GPC5: variants seen among roughly 807,000 people sequenced by gnomAD.
The protein encoded by GPC5 is glypican-5.
Under a neutral mutation model 53.9 loss-of-function variants are expected in GPC5, and 47 were observed. The observed-to-expected ratio is 0.87, with a 90% confidence interval of 0.69 to 1.11. The LOEUF is 1.11. Among genes scored for constraint, GPC5 ranks in the 50% most tolerant of loss-of-function variants. The probability of loss-of-function intolerance (pLI) is 0.00; values close to 1 mark genes in which losing one functional copy is unlikely to be tolerated. For missense variants in GPC5, 748 were observed against 713.1 expected, an observed-to-expected ratio of 1.05 and a Z score of -0.56; for synonymous variants, 286 against 263.3, an observed-to-expected ratio of 1.09 and a Z score of -0.84.
chr13:92,670,604 G>T (rs2139204450), intron 7 of GPC5, among the ~76,000 whole-genome samples: 1 of 152,122 alleles, frequency 6.6e-6, no homozygotes, highest in East Asian at 1.9e-4. Flanking sequence ...TGAACTAATG[G>T]CACAAAGTTG....
At chr13:92,851,852 C>T (rs1878816075) in intron 7 of GPC5, among the ~76,000 whole-genome samples, 2 of 142,252 alleles carry the variant, frequency 1.4e-5, no homozygotes, top group Non-Finnish European at 3.0e-5. Context: ...GGCCCCAGTG[C>T]ACTCCAGCCT....
At chr13:91,801,253 TTGTGTGTGTGTGTGTGTG>T (rs71113762) in intron 5 of GPC5, among the ~76,000 whole-genome samples, 14 of 146,298 alleles carry the variant, frequency 9.6e-5, no homozygotes, top group Admixed American at 2.8e-4. Context: ...CATCCATACT[TTGTGTGTGTGTGTGTGTG>T]TGTGTGTGTG....
At chr13:92,516,815 T>TC (rs1880802260) in intron 7 of GPC5, among the ~76,000 whole-genome samples, 1 of 152,118 alleles carries the variant, frequency 6.6e-6, no homozygotes, top group Non-Finnish European at 1.5e-5. Context: ...TCACTGGGGT[T>TC]CATCGGACAG....
intron 6 of GPC5, among the ~76,000 whole-genome samples, chr13:92,072,031 A>G (rs2138866752): frequency 6.8e-6 from 1 of 146,428 alleles, no homozygotes; most frequent in Admixed American, 6.8e-5. Flanking sequence ...ACATATGTAT[A>G]TAAAATAATA....
chr13:92,395,907 G>GGT (rs1555332655), intron 7 of GPC5, among the ~76,000 whole-genome samples: 4,236 of 130,600 alleles, frequency 0.032, 128 homozygotes, highest in East Asian at 0.11. Flanking sequence ...GTTTGTTTCT[G>GGT]TTTTTTTTTT....
chr13:91,685,452 A>T (rs1184910461), intron 2 of GPC5, among the ~76,000 whole-genome samples: 1 of 152,232 alleles, frequency 6.6e-6, no homozygotes, highest in East Asian at 1.9e-4. Context: ...TGAGAATAAG[A>T]TTAAGAACTT....
chr13:92,102,322 G>A (rs560492066), intron 6 of GPC5, among the ~76,000 whole-genome samples: 5 of 152,212 alleles, frequency 3.3e-5, no homozygotes, highest in Admixed American at 2.6e-4. Context: ...TACTTTTCAG[G>A]CCTTGATGAT....
intron 7 of GPC5, among the ~76,000 whole-genome samples, chr13:92,631,050 T>A (rs1218935063): frequency 6.6e-6 from 1 of 152,102 alleles, no homozygotes; most frequent in Non-Finnish European, 1.5e-5. Flanking sequence ...GGCTTTGGAG[T>A]ATAAAACATA....
intron 2 of GPC5, among the ~76,000 whole-genome samples, chr13:91,513,197 C>T (rs756658158): frequency 2.0e-5 from 3 of 152,090 alleles, no homozygotes; most frequent in African/African-American, 4.8e-5. Context: ...ATTCACAGGC[C>T]GTTGTAAGTA....
At chr13:92,580,511 A>C (rs1335980032) in intron 7 of GPC5, among the ~76,000 whole-genome samples, 2 of 152,320 alleles carry the variant, frequency 1.3e-5, no homozygotes, top group East Asian at 3.9e-4. Flanking sequence ...CTATAAAGAA[A>C]CACCTGAGGC....
chr13:92,022,775 C>A (rs1445285433), intron 6 of GPC5, among the ~76,000 whole-genome samples: 3 of 151,820 alleles, frequency 2.0e-5, no homozygotes, highest in Admixed American at 6.6e-5. Flanking sequence ...TAATTGTTAG[C>A]ATTCCTTTAT....
At chr13:92,846,654 TGAGA>T (rs149138924) in intron 7 of GPC5, among the ~76,000 whole-genome samples, 1 of 152,136 alleles carries the variant, frequency 6.6e-6, no homozygotes, top group African/African-American at 2.4e-5. Flanking sequence ...GAGAGTGAAA[TGAGA>T]GAGTTTTATC....
intron 7 of GPC5, among the ~76,000 whole-genome samples, chr13:92,693,190 C>T (rs1297518529): frequency 3.3e-5 from 5 of 152,108 alleles, no homozygotes; most frequent in South Asian, 2.1e-4. Context: ...ATTGCCCAGT[C>T]TCAGGTAGTT....
intron 2 of GPC5, among the ~76,000 whole-genome samples, chr13:91,466,353 G>T (rs1882238314): frequency 6.6e-6 from 1 of 152,090 alleles, no homozygotes; most frequent in South Asian, 2.1e-4. Flanking sequence ...TCATTCTTTG[G>T]CCTCTCAGCA....
intron 7 of GPC5, among the ~76,000 whole-genome samples, chr13:92,263,478 AT>A (rs2042780283): frequency 6.6e-6 from 1 of 151,882 alleles, no homozygotes; most frequent in African/African-American, 2.4e-5. Context: ...TCTTGTTTCT[AT>A]TTTTTAAGAA....
At chr13:92,719,144 G>T (rs1437060585) in intron 7 of GPC5, among the ~76,000 whole-genome samples, 1 of 151,102 alleles carries the variant, frequency 6.6e-6, no homozygotes, top group Non-Finnish European at 1.5e-5. Context: ...AAATGTATTT[G>T]AAATACATAG....
chr13:92,423,222 G>A (rs1876662742), intron 7 of GPC5, among the ~76,000 whole-genome samples: 1 of 152,130 alleles, frequency 6.6e-6, no homozygotes, highest in African/African-American at 2.4e-5. Flanking sequence ...CCATCACGCT[G>A]AAGATTAGGT....
chr13:92,231,176 T>G (rs2042527231), intron 7 of GPC5, among the ~76,000 whole-genome samples: 1 of 152,212 alleles, frequency 6.6e-6, no homozygotes, highest in African/African-American at 2.4e-5. Flanking sequence ...ATTCTCAGTA[T>G]ATGGTAGCTG....
rs561047900 is a variant in GPC5 at position 91,896,472 on chromosome 13, A to G, written c.1281-11465A>G. The stretch of plus-strand genomic sequence containing the variant: ...ATCTGTAAACCCCCTTTGTAAGCTT[A>G]GTACAGATGACTGAGGAAAGGTTCC... On this transcript the variant is annotated intron_variant, in intron 5 of 7. Transcript: ENST00000377067. Among the ~76,000 whole-genome samples, 32 of 152,306 alleles carry G rather than the reference A, an allele frequency of 2.1e-4. No homozygotes were observed. The South Asian group carries it at 6.2e-3, about 30-fold the overall frequency.
Sources: allele counts gnomAD v4.1 joint callset (sites outside exome capture counted in the v4.1 genomes callset), GRCh38; gene constraint gnomAD v4.1.1; transcripts MANE v1.5; gene names NCBI Gene and HGNC (gene_info 2026-07-23, HGNC 2026-07-21).